Variants in BABAM2 observed in about 807,000 individuals in gnomAD.
The protein encoded by BABAM2 is BRISC and BRCA1-A complex member 2.
In BABAM2, 31 loss-of-function variants were observed where a neutral mutation model predicts 54.7. The ratio of observed to expected loss-of-function variants is 0.57; its 90% CI spans 0.43 to 0.77. The LOEUF is 0.77. Ranked by LOEUF, BABAM2 falls within the 30% of genes least tolerant of loss-of-function variation. BABAM2 has a pLI of 0.00. For synonymous variants in BABAM2, 167 were observed against 162.9 expected (o/e 1.03, Z -0.19); for missense variants, 364 against 455.8 (o/e 0.80, Z 1.83).
chr2:27,921,156 A>T (rs1667318888), intron 2 of BABAM2, among the ~76,000 whole-genome samples: 1 of 152,166 alleles, frequency 6.6e-6, no homozygotes, highest in Admixed American at 6.5e-5. Context: ...TAGTTTGCTA[A>T]ATCAGTGAAC....
chr2:27,967,754 A>T (rs541948474), intron 3 of BABAM2, among the ~76,000 whole-genome samples: 1 of 152,296 alleles, frequency 6.6e-6, no homozygotes, highest in South Asian at 2.1e-4. Context: ...TTTCAGATGG[A>T]GATGAGGAAC....
upstream of BABAM2, chr2:27,890,377 G>A: frequency 6.3e-7 from 1 of 1,598,732 alleles, no homozygotes; most frequent in African/African-American, 1.3e-5. This position sits in a 1 kb window ranked among gnomAD's most constrained non-coding sequence, Gnocchi z 4.8. Flanking sequence ...AACCTGGACG[G>A]TGACCTCTGC....
intron 4 of BABAM2, among the ~76,000 whole-genome samples, chr2:28,003,409 A>C (rs1182306062): frequency 1.3e-5 from 2 of 152,126 alleles, no homozygotes; most frequent in Non-Finnish European, 2.9e-5. Flanking sequence ...GCTGGGCAAC[A>C]TGGCAAAACC....
chr2:28,188,281 A>G (rs1676538266), intron 7 of BABAM2, among the ~76,000 whole-genome samples: 1 of 152,164 alleles, frequency 6.6e-6, no homozygotes, highest in Non-Finnish European at 1.5e-5. Flanking sequence ...AAAAAGCCCT[A>G]TTGACTGCTT....
At chr2:28,192,901 G>A (rs530908907) in intron 7 of BABAM2, among the ~76,000 whole-genome samples, 22 of 151,988 alleles carry the variant, frequency 1.4e-4, no homozygotes, top group Middle Eastern at 3.4e-3. Context: ...GGCTGGGTGC[G>A]GTGGCTGACA....
At chr2:28,099,908 G>A (rs1666932180) in intron 6 of BABAM2, among the ~76,000 whole-genome samples, 1 of 151,456 alleles carries the variant, frequency 6.6e-6, no homozygotes, top group African/African-American at 2.4e-5. Context: ...AAATTTACTA[G>A]CATATAATCA....
At chr2:28,214,252 C>G (rs974271307) in intron 7 of BABAM2, among the ~76,000 whole-genome samples, 12 of 152,134 alleles carry the variant, frequency 7.9e-5, no homozygotes, top group African/African-American at 2.9e-4. Context: ...AATCATGATA[C>G]AGAACTGTTC....
chr2:27,967,199 G>C (rs1670896502), intron 3 of BABAM2, among the ~76,000 whole-genome samples: 1 of 152,146 alleles, frequency 6.6e-6, no homozygotes, highest in South Asian at 2.1e-4. Flanking sequence ...CCCCACCCCA[G>C]ATCTCATCTT....
At chr2:27,985,054 A>G (rs1672300045) in intron 3 of BABAM2, among the ~76,000 whole-genome samples, 1 of 99,256 alleles carries the variant, frequency 1.0e-5, no homozygotes, top group South Asian at 3.3e-4. Flanking sequence ...GTAGTATTCC[A>G]TGATGTGTGT....
chr2:28,305,305 CAT>C (rs1688431564), intron 11 of BABAM2, among the ~76,000 whole-genome samples: 1 of 152,034 alleles, frequency 6.6e-6, no homozygotes, highest in African/African-American at 2.4e-5. Flanking sequence ...TTGACATAAT[CAT>C]GTGGTTTTTC....
At chr2:28,246,409 A>G (rs953054030) in intron 10 of BABAM2, among the ~76,000 whole-genome samples, 1 of 152,180 alleles carries the variant, frequency 6.6e-6, no homozygotes, top group Non-Finnish European at 1.5e-5. Flanking sequence ...TGATGACCCA[A>G]CGGCAGATCT....
chr2:28,056,133 T>G (rs1340013327), intron 6 of BABAM2, among the ~76,000 whole-genome samples: 1 of 152,160 alleles, frequency 6.6e-6, no homozygotes, highest in East Asian at 1.9e-4. Context: ...ACATCTTCTG[T>G]GTACATCAGA....
At chr2:28,277,879 A>G (rs1256212606) in intron 10 of BABAM2, among the ~76,000 whole-genome samples, 1 of 152,252 alleles carries the variant, frequency 6.6e-6, no homozygotes, top group Admixed American at 6.5e-5. Flanking sequence ...GGAGACAGGC[A>G]TGCAAACACT....
At chr2:28,323,666 G>T (rs180672702) in intron 11 of BABAM2, among the ~76,000 whole-genome samples, 1 of 152,074 alleles carries the variant, frequency 6.6e-6, no homozygotes. Flanking sequence ...TTGACTATGC[G>T]GGATGATGTT....
intron 6 of BABAM2, among the ~76,000 whole-genome samples, chr2:28,064,893 C>T (rs577697025): frequency 6.6e-6 from 1 of 152,008 alleles, no homozygotes; most frequent in Non-Finnish European, 1.5e-5. Flanking sequence ...ATCCCAGCTA[C>T]TCGGGAGGCC....
rs151264996 is a variant in BABAM2, at chr2:27,947,621, T to C, written c.205+17713T>C. Among the ~76,000 whole-genome samples the C allele has an allele frequency of 4.4e-3, 671 of 152,284 alleles. 5 individuals are homozygous for C. Among genetic ancestry groups the C allele is most frequent in the South Asian group, 0.023 (111 of 4,826 alleles). On this transcript the variant is annotated intron_variant, in intron 3 of 11. Coordinates refer to ENST00000379624, the MANE Select transcript of BABAM2 (RefSeq NM_199191.3). ...TACAAGTTTTTTATCAGATGTATGA[T>C]TTGCAAATATTTTCTCCCTGACTGT...
At chr2:28,039,683 T>C (rs748583665) in intron 5 of BABAM2, among the ~76,000 whole-genome samples, 2 of 152,236 alleles carry the variant, frequency 1.3e-5, no homozygotes, top group African/African-American at 4.8e-5. Context: ...CTGCACAAAA[T>C]GTCTACCTGT....
intron 7 of BABAM2, among the ~76,000 whole-genome samples, chr2:28,201,026 C>T (rs1176514742): frequency 2.6e-5 from 4 of 152,202 alleles, no homozygotes. Flanking sequence ...CCACCTCGGC[C>T]TCCCAAAGTG....
intron 6 of BABAM2, among the ~76,000 whole-genome samples, chr2:28,128,111 C>G (rs943143503): frequency 2.0e-5 from 3 of 152,076 alleles, no homozygotes; most frequent in Admixed American, 2.0e-4. Flanking sequence ...CGCGCCCAGC[C>G]GAGTAATGAG....
Sources: allele counts gnomAD v4.1 joint callset (sites outside exome capture counted in the v4.1 genomes callset), GRCh38; gene constraint gnomAD v4.1.1; non-coding constraint Gnocchi (gnomAD v3.1); transcripts MANE v1.5; gene names NCBI Gene and HGNC (gene_info 2026-07-23, HGNC 2026-07-21).